CHN1: variants seen among roughly 807,000 people sequenced by gnomAD.
CHN1 encodes the protein N-chimaerin.
Under a neutral mutation model 59.5 loss-of-function variants are expected in CHN1, and 37 were observed. That is an observed-to-expected ratio of 0.62 (90% CI 0.48 to 0.82). The LOEUF (loss-of-function observed/expected upper bound fraction) is 0.82, where lower values mean the gene tolerates loss of function less well. CHN1 is among the 40% of genes least tolerant of loss of function. The probability of loss-of-function intolerance (pLI) is 0.00; values close to 1 mark genes in which losing one functional copy is unlikely to be tolerated. For missense variants in CHN1, 469 were observed against 571.0 expected (o/e 0.82, Z 1.82); for synonymous variants, 206 against 200.4 (o/e 1.03, Z -0.24).
chr2:174,865,881 C>A (rs1482795197), intron 6 of CHN1, among the ~76,000 whole-genome samples: 2 of 152,176 alleles, frequency 1.3e-5, no homozygotes. Context: ...AAAATTATGG[C>A]AGCTAGAAGG....
At chr2:174,991,001 A>G (rs945830977) in intron 1 of CHN1, among the ~76,000 whole-genome samples, 3 of 152,208 alleles carry the variant, frequency 2.0e-5, no homozygotes, top group African/African-American at 7.2e-5. Context: ...ATAATAAGCA[A>G]TAAGTGAAAT....
intron 3 of CHN1, among the ~76,000 whole-genome samples, chr2:174,932,095 A>G (rs1469368010): frequency 1.3e-5 from 2 of 152,228 alleles, no homozygotes; most frequent in Non-Finnish European, 2.9e-5. Flanking sequence ...TGCTGGGAAT[A>G]GACCATAAGG....
chr2:174,945,313 TTAAG>T (rs757415987), intron 2 of CHN1: 9 of 234,644 alleles, frequency 3.8e-5, no homozygotes, highest in Non-Finnish European at 6.6e-5. Context: ...AAGCATGTTA[TTAAG>T]TGTCAACCTT....
Position 175,005,320 on chromosome 2 carries a change from G to C in CHN1, c.-408C>G, listed in dbSNP as rs1048076751. 7 of 1,179,570 alleles carry C rather than the reference G, an allele frequency of 5.9e-6. No individual in the cohort carries two copies. The highest frequency in any genetic ancestry group is 1.7e-5 in the South Asian group (1 of 58,270). 73.1% of individuals were successfully genotyped at this position (1,179,570 alleles called of 1,614,324 possible). A position where few individuals can be genotyped will look rare whatever the true frequency, so the allele number is the denominator to read the frequency against. ...GCAGCAGCCTCGCACAGCCCCCGGC[G>C]GGGCGCGCTCACTCCGCATCCCGCG... On this transcript the variant is annotated 5_prime_UTR_variant, in exon 1 of 13. Coordinates refer to ENST00000409900, the MANE Select transcript of CHN1 (RefSeq NM_001822.7).
intron 7 of CHN1, among the ~76,000 whole-genome samples, chr2:174,834,206 CCTCTA>C (rs1685985172): frequency 1.3e-5 from 2 of 152,202 alleles, no homozygotes; most frequent in African/African-American, 2.4e-5. Context: ...CTTCCCCCAT[CCTCTA>C]CTCTACATTA....
intron 5 of CHN1, among the ~76,000 whole-genome samples, chr2:174,898,621 G>A (rs1688290812): frequency 6.6e-6 from 1 of 151,906 alleles, no homozygotes; most frequent in Non-Finnish European, 1.5e-5. Context: ...CAAAGAAATT[G>A]TCGCTTCTTA....
At chr2:174,945,000 T>C (rs1689783938) in intron 2 of CHN1, 57 bp from the exon 3 acceptor site, 1 of 1,256,196 alleles carries the variant, frequency 8.0e-7, no homozygotes. Flanking sequence ...CTTATCAATA[T>C]ATTAGAAATA....
At chr2:174,927,719 T>C (rs2105383811) in intron 3 of CHN1, among the ~76,000 whole-genome samples, 1 of 152,318 alleles carries the variant, frequency 6.6e-6, no homozygotes, top group Non-Finnish European at 1.5e-5. Flanking sequence ...ATGTTTAACG[T>C]TGTTCTTGCC....
At position 174,803,804 on chromosome 2, in the gene CHN1, TC is replaced by T. The variant is rs201617955; in HGVS notation, c.1103-1993del. On this transcript the variant is annotated intron_variant, in intron 11 of 12. Transcript: ENST00000409900. ...CCTGGGCTCAAGCGATCCTCCTGCC[TC>T]AGCTTCTCAAAGTGCTGGGATTACA... is the stretch of plus-strand genomic sequence containing the variant. 4.9e-3 allele frequency among the ~76,000 whole-genome samples: 750 copies of T among 152,312 alleles called. 4 individuals are homozygous for T. The highest frequency in any genetic ancestry group is 0.027 in the Middle Eastern group (8 of 294).
intron 6 of CHN1, chr2:174,847,856 T>G: frequency 2.3e-6 from 1 of 433,592 alleles, no homozygotes; most frequent in Non-Finnish European, 4.4e-6. Context: ...AAAATGGAAT[T>G]TTTTTAACCT....
At chr2:174,876,445 A>G (rs1407621635) in intron 6 of CHN1, among the ~76,000 whole-genome samples, 1 of 152,234 alleles carries the variant, frequency 6.6e-6, no homozygotes, top group Non-Finnish European at 1.5e-5. Flanking sequence ...ATAAATGGAA[A>G]ATCAACCAAT....
At chr2:174,890,480 C>A (rs1688013094) in intron 5 of CHN1, among the ~76,000 whole-genome samples, 1 of 151,980 alleles carries the variant, frequency 6.6e-6, no homozygotes, top group South Asian at 2.1e-4. Flanking sequence ...ATCATTTAAG[C>A]CCAGAAGTTC....
intron 6 of CHN1, among the ~76,000 whole-genome samples, chr2:174,860,698 G>A (rs1239233113): frequency 7.2e-5 from 11 of 152,126 alleles, no homozygotes; most frequent in African/African-American, 2.7e-4. Flanking sequence ...CATGAATAAT[G>A]TATTTTTGCA....
chr2:174,852,237 C>T (rs953964266), intron 6 of CHN1, among the ~76,000 whole-genome samples: 1 of 151,916 alleles, frequency 6.6e-6, no homozygotes, highest in South Asian at 2.1e-4. Context: ...TGCAGTGAGC[C>T]GAGATTGCAC....
chr2:174,906,150 A>G (rs1176058064), intron 5 of CHN1, among the ~76,000 whole-genome samples: 1 of 152,208 alleles, frequency 6.6e-6, no homozygotes, highest in African/African-American at 2.4e-5. Context: ...ATGTTTATAC[A>G]AAAACTTGCA....
intron 1 of CHN1, among the ~76,000 whole-genome samples, chr2:174,960,570 C>T (rs987790740): frequency 9.2e-5 from 14 of 152,128 alleles, no homozygotes; most frequent in Admixed American, 9.2e-4. Context: ...GGGCCGGGCA[C>T]GGTGGCTCAT....
chr2:174,919,369 T>C (rs1209764141), intron 3 of CHN1, among the ~76,000 whole-genome samples: 2 of 152,186 alleles, frequency 1.3e-5, no homozygotes, highest in Non-Finnish European at 2.9e-5. Context: ...CAAAGCTCTC[T>C]CTGAGATGAC....
intron 11 of CHN1, among the ~76,000 whole-genome samples, chr2:174,808,324 C>T (rs1684966734): frequency 1.3e-5 from 2 of 151,840 alleles, no homozygotes; most frequent in African/African-American, 4.8e-5. Context: ...GCTCTTGTTG[C>T]CCAGGCTGGA....
intron 7 of CHN1, among the ~76,000 whole-genome samples, chr2:174,833,511 T>C (rs1346691112): frequency 6.6e-6 from 1 of 152,212 alleles, no homozygotes; most frequent in Non-Finnish European, 1.5e-5. Flanking sequence ...CTTTCACTTC[T>C]CTCTGTGCCC....
Sources: allele counts gnomAD v4.1 joint callset (sites outside exome capture counted in the v4.1 genomes callset), GRCh38; gene constraint gnomAD v4.1.1; transcripts MANE v1.5; gene names NCBI Gene and HGNC (gene_info 2026-07-23, HGNC 2026-07-21).